The following CARD8 variants were observed in gnomAD, a reference collection of about 807,000 sequenced individuals.
The protein encoded by CARD8 is caspase recruitment domain-containing protein 8.
Under a neutral mutation model 53.2 loss-of-function variants are expected in CARD8, and 38 were observed. The observed-to-expected ratio is 0.71, with a 90% CI of 0.55 to 0.94. CARD8 has a LOEUF of 0.94. Among genes scored for constraint, CARD8 ranks in the 40% least tolerant of loss-of-function variants. The pLI, the probability that CARD8 is intolerant of heterozygous loss-of-function variation, is 0.00. For missense variants in CARD8, 561 were observed against 655.5 expected, an observed-to-expected ratio of 0.86 and a Z score of 1.57; for synonymous variants, 245 against 244.9, an observed-to-expected ratio of 1.00 and a Z score of 0.00.
chr19:48,207,742 T>TTTTTTTTTTTTTTTCTTTTTTTTTTTC (rs1568595977), downstream of CARD8, among the ~76,000 whole-genome samples: 1 of 132,442 alleles, frequency 7.6e-6, no homozygotes, highest in Non-Finnish European at 1.6e-5. Flanking sequence ...CTGTTTTTTT[T>TTTTTTTTTTTTTTTCTTTTTTTTTTTC]TTTTTTTTTT....
In CARD8 at chr19:48,232,436, C is replaced by T; in HGVS notation, c.391+17G>A. ...CAATCCACACGCCCTTCACTCCTCT[C>T]CCTATTAGCCCATTACCTGAATCTT... On this transcript the variant is annotated intron_variant, in intron 7 of 13. Coordinates refer to ENST00000651546, the MANE Select transcript of CARD8 (RefSeq NM_001184900.3). The T allele has an allele frequency of 2.0e-6, 3 of 1,533,044 alleles. No individual in the cohort carries two copies. Among genetic ancestry groups the T allele is most frequent in the Non-Finnish European group, 2.6e-6 (3 of 1,143,998 alleles). 95.0% of individuals were successfully genotyped at this position (1,533,044 alleles called of 1,614,324 possible). A position where few individuals can be genotyped will look rare whatever the true frequency, so the allele number is the denominator to read the frequency against.
intron 7 of CARD8, 197 bp downstream of exon 7, chr19:48,232,256 C>G: frequency 3.2e-6 from 2 of 619,574 alleles, no homozygotes; most frequent in Non-Finnish European, 5.7e-6. Context: ...CACCCACTGA[C>G]TCCCCTGAGC....
At chr19:48,238,306 T>G in intron 5 of CARD8, 77 bp downstream of exon 5, 1 of 1,477,770 alleles carries the variant, frequency 6.8e-7, no homozygotes, top group Non-Finnish European at 8.9e-7. Flanking sequence ...ATGTCTTTGC[T>G]TCTTATGAAT....
intron 5 of CARD8, 114 bp downstream of exon 5, chr19:48,238,269 A>G (rs1376574941): frequency 2.8e-6 from 4 of 1,418,124 alleles, no homozygotes; most frequent in Middle Eastern, 3.7e-4. Context: ...AGTAACATAT[A>G]TACTAATTTT....
rs1278007398 is a variant in CARD8 at position 48,232,475 on chromosome 19, T to C, written c.369A>G (p.Glu123=). ...GDIPSVSEEQ[E]SSEGQDSGDI... ...TACCTGAATCTTGTCCCTCTGAAGA[T>C]TCCTGCTCTTCTGATACACTGGAGG... Residue 123 remains glutamate, a synonymous_variant, in exon 7 of 14, where the codon GAA becomes GAG. Coordinates refer to ENST00000651546, the MANE Select transcript of CARD8 (RefSeq NM_001184900.3). 2 of 1,535,990 alleles carry C rather than the reference T, an allele frequency of 1.3e-6. No homozygotes were observed. The highest frequency in any genetic ancestry group is 2.0e-5 in the Admixed American group (1 of 50,998).
At position 48,233,286 on chromosome 19, in the gene CARD8, C is replaced by G. The variant is rs1262960864; in HGVS notation, c.351-793G>C. The G allele has an allele frequency of 1.5e-5, 7 of 455,448 alleles. No homozygotes were observed. In the Admixed American group the frequency reaches 1.6e-4, roughly 11 times the overall value. The allele number at this position is 455,448 out of a possible 1,614,324, so 28.2% of individuals were successfully genotyped here. ...ACAGGTGATACCTTCTGGAGCAAGGCAACCAACTCCATCAAATTCTCTGCC... is the reference window on the plus strand; with the variant it reads ...ACAGGTGATACCTTCTGGAGCAAGGGAACCAACTCCATCAAATTCTCTGCC... On this transcript the variant is annotated intron_variant, in intron 6 of 13. Transcript: ENST00000651546.
At chr19:48,237,927 G>A (rs974614331) in intron 5 of CARD8, among the ~76,000 whole-genome samples, 1 of 151,904 alleles carries the variant, frequency 6.6e-6, no homozygotes, top group African/African-American at 2.4e-5. Context: ...GCCTCACTCT[G>A]TCTCCCAGGC....
Position 48,218,893 on chromosome 19 carries a change from C to A in CARD8, c.1281G>T (p.Val427=), listed in dbSNP as rs2039929382. Residue 427 remains valine (V), a synonymous_variant, in exon 12 of 14, where the codon GTG becomes GTT. Coordinates refer to ENST00000651546, the MANE Select transcript of CARD8 (RefSeq NM_001184900.3). ...EITEKRHGTL[V]WDTEVKPVDL... ...TACCTGGCTTCACCTCAGTATCCCACACCAAAGTCCCATGTCTTTTTTCAG... is the reference window on the plus strand; with the variant it reads ...TACCTGGCTTCACCTCAGTATCCCAAACCAAAGTCCCATGTCTTTTTTCAG... The A allele has an allele frequency of 6.2e-7, 1 of 1,614,206 alleles. No homozygotes were observed. Among genetic ancestry groups the A allele is most frequent in the Non-Finnish European group, 8.5e-7 (1 of 1,180,030 alleles).
intron 10 of CARD8, 109 bp downstream of exon 10, chr19:48,230,329 T>A: frequency 7.9e-7 from 1 of 1,272,296 alleles, no homozygotes; most frequent in Non-Finnish European, 1.1e-6. Flanking sequence ...CTTCTGTCCA[T>A]GAAAACCATG....
chr19:48,223,345 T>C (rs1410170118), intron 10 of CARD8, among the ~76,000 whole-genome samples: 2 of 151,136 alleles, frequency 1.3e-5, no homozygotes, highest in Admixed American at 6.6e-5. Flanking sequence ...CAGATCTCTA[T>C]GAAGAAAAGG....
chr19:48,227,660 A>C (rs2042049497), intron 10 of CARD8, among the ~76,000 whole-genome samples: 1 of 151,962 alleles, frequency 6.6e-6, no homozygotes. Context: ...AGAATTAGCC[A>C]GGTGTGGTGG....
intron 11 of CARD8, among the ~76,000 whole-genome samples, chr19:48,219,950 G>A (rs1237635130): frequency 1.3e-5 from 2 of 152,114 alleles, no homozygotes; most frequent in African/African-American, 2.4e-5. Context: ...CAGCCTGGGC[G>A]ACAGAGTAAG....
intron 13 of CARD8, 41 bp from the exon 14 acceptor site, chr19:48,212,016 C>T: frequency 6.3e-7 from 1 of 1,587,562 alleles, no homozygotes; most frequent in Non-Finnish European, 8.6e-7. Context: ...GAATCGTTCA[C>T]TTACAGGATT....
chr19:48,248,593 G>A (rs915692877), intron 3 of CARD8, among the ~76,000 whole-genome samples: 2 of 152,212 alleles, frequency 1.3e-5, no homozygotes, highest in African/African-American at 4.8e-5. Context: ...AAAATCAAGT[G>A]TGAATATGAA....
chr19:48,207,177 AAG>A (rs370771566), downstream of CARD8, among the ~76,000 whole-genome samples: 51 of 137,840 alleles, frequency 3.7e-4, 8 homozygotes, highest in East Asian at 1.0e-3. Flanking sequence ...AAAAAAAAAA[AAG>A]AAAAGAAAAG....
At chr19:48,236,226 A>C (rs969640886) in intron 5 of CARD8, among the ~76,000 whole-genome samples, 2 of 152,218 alleles carry the variant, frequency 1.3e-5, no homozygotes, top group Non-Finnish European at 2.9e-5. Context: ...TTTATTTTTT[A>C]AATTGAGACA....
rs537408566 is a variant in CARD8 at position 48,228,383 on chromosome 19, G to T, written c.1035+2055C>A. 1.5e-3 allele frequency among the ~76,000 whole-genome samples: 224 copies of T among 152,314 alleles called. 1 individual carries two copies. Among genetic ancestry groups the T allele is most frequent in the African/African-American group, 5.3e-3 (219 of 41,582 alleles). On this transcript the variant is annotated intron_variant, in intron 10 of 13. Coordinates refer to ENST00000651546, the MANE Select transcript of CARD8 (RefSeq NM_001184900.3). ...AAAACTACTTCCTGGTGCCTAAAAG[G>T]TTGGGAACTGCTGTTATAGAAGAGT... is the stretch of plus-strand genomic sequence containing the variant.
At chr19:48,226,110 T>C (rs918144907) in intron 10 of CARD8, among the ~76,000 whole-genome samples, 4 of 151,550 alleles carry the variant, frequency 2.6e-5, no homozygotes, top group African/African-American at 9.7e-5. Flanking sequence ...ATTTGATTCA[T>C]GTTCTAAGTG....
chr19:48,242,553 A>G (rs530814573), intron 3 of CARD8: 1 of 152,292 alleles, frequency 6.6e-6, no homozygotes, highest in African/African-American at 2.4e-5. Flanking sequence ...CTTTGCTTTC[A>G]TGGCTGAATA....
Sources: gnomAD v4.1 joint callset for allele counts (sites outside exome capture counted in the v4.1 genomes callset) on GRCh38, gnomAD v4.1.1 for gene constraint, MANE v1.5 for transcripts, NCBI Gene and HGNC (gene_info 2026-07-23, HGNC 2026-07-21) for gene names.